BBS9: variants seen among roughly 807,000 people sequenced by gnomAD.
The protein encoded by BBS9 is Bardet-Biedl syndrome 9, also known as protein PTHB1.
A neutral mutation model predicts 117.7 loss-of-function variants in BBS9; 89 were observed. The observed-to-expected ratio is 0.76, with a 90% CI of 0.64 to 0.90. The LOEUF is 0.90. Among genes scored for constraint, BBS9 ranks in the 40% least tolerant of loss-of-function variants. The pLI, the probability that BBS9 is intolerant of heterozygous loss-of-function variation, is 0.00. For synonymous variants in BBS9, 379 were observed against 370.9 expected, an observed-to-expected ratio of 1.02 and a Z score of -0.25; for missense variants, 982 against 1,042.2, an observed-to-expected ratio of 0.94 and a Z score of 0.80.
chr7:33,340,224 A>T (rs1294084308), intron 10 of BBS9, among the ~76,000 whole-genome samples: 1 of 152,054 alleles, frequency 6.6e-6, no homozygotes, highest in Non-Finnish European at 1.5e-5. Context: ...TTGTCTAGAA[A>T]ATATTCATGT....
chr7:33,158,800 T>A (rs996654226), intron 4 of BBS9, among the ~76,000 whole-genome samples: 3 of 151,278 alleles, frequency 2.0e-5, no homozygotes, highest in African/African-American at 7.3e-5. Flanking sequence ...AAATGAAATT[T>A]AACAGAGTTT....
chr7:33,257,705 T>G (rs1007421458), intron 6 of BBS9, among the ~76,000 whole-genome samples: 2 of 152,166 alleles, frequency 1.3e-5, no homozygotes, highest in Non-Finnish European at 2.9e-5. Flanking sequence ...TTTGACAAGT[T>G]TATTATAAGG....
chr7:33,359,853 T>G (rs1301349442), intron 16 of BBS9, among the ~76,000 whole-genome samples: 2 of 152,086 alleles, frequency 1.3e-5, no homozygotes, highest in Non-Finnish European at 2.9e-5. Context: ...TAATTTTTCT[T>G]ATTACAAAAG....
At chr7:33,209,689 T>C (rs1787646104) in intron 5 of BBS9, among the ~76,000 whole-genome samples, 1 of 152,218 alleles carries the variant, frequency 6.6e-6, no homozygotes, top group African/African-American at 2.4e-5. Flanking sequence ...ATATAGTTGC[T>C]CATAGTACCT....
chr7:33,142,542 C>T (rs1326738476), intron 1 of BBS9, among the ~76,000 whole-genome samples: 2 of 152,182 alleles, frequency 1.3e-5, no homozygotes, highest in Non-Finnish European at 2.9e-5. Flanking sequence ...TGCAACCAAT[C>T]TCCAGAACTT....
At chr7:33,571,722 G>A (rs187187801) in intron 21 of BBS9, among the ~76,000 whole-genome samples, 1 of 152,090 alleles carries the variant, frequency 6.6e-6, no homozygotes, top group Admixed American at 6.5e-5. Flanking sequence ...ACTTCCATGT[G>A]CAATTAAATT....
chr7:33,541,042 TC>T (rs1236470983), intron 21 of BBS9, among the ~76,000 whole-genome samples: 1 of 152,194 alleles, frequency 6.6e-6, no homozygotes. Flanking sequence ...GGCTTCTTTT[TC>T]CCTTTTCTGT....
chr7:33,480,117 G>T (rs766263471), intron 19 of BBS9, among the ~76,000 whole-genome samples: 1 of 152,094 alleles, frequency 6.6e-6, no homozygotes, highest in Non-Finnish European at 1.5e-5. Flanking sequence ...TGCTCAGTAA[G>T]GAGGAAAGTC....
chr7:33,318,369 C>G (rs1022016127), intron 9 of BBS9, among the ~76,000 whole-genome samples: 1 of 152,076 alleles, frequency 6.6e-6, no homozygotes, highest in Non-Finnish European at 1.5e-5. Flanking sequence ...CATTTGTCCT[C>G]TTATAGCTCT....
rs1004199102 is a variant in BBS9 at position 33,424,174 on chromosome 7, A to G, written c.2115+36030A>G. ...TCTATCTTTTTGATTTCATGCTTGA[A>G]GAACAAGTGGTTCCAGCAAGGTGAT... is the stretch of plus-strand genomic sequence containing the variant. On this transcript the variant is annotated intron_variant, in intron 19 of 22. Coordinates refer to ENST00000242067, the MANE Select transcript of BBS9 (RefSeq NM_198428.3). Among the ~76,000 whole-genome samples the G allele has an allele frequency of 2.0e-5, 3 of 152,362 alleles. No individual in the cohort carries two copies. The East Asian group carries it at 5.8e-4, about 29-fold the overall frequency.
intron 5 of BBS9, among the ~76,000 whole-genome samples, chr7:33,181,064 G>A (rs1172583766): frequency 6.6e-6 from 1 of 152,206 alleles, no homozygotes; most frequent in African/African-American, 2.4e-5. Context: ...TACTACTGCT[G>A]TGCTGAGTGA....
At chr7:33,590,089 G>C (rs1353283684) in intron 21 of BBS9, among the ~76,000 whole-genome samples, 1 of 152,084 alleles carries the variant, frequency 6.6e-6, no homozygotes, top group Non-Finnish European at 1.5e-5. Flanking sequence ...GTCAAATGCT[G>C]CTCACAGATC....
At chr7:33,278,340 A>G (rs1400819876) in intron 9 of BBS9, among the ~76,000 whole-genome samples, 1 of 152,194 alleles carries the variant, frequency 6.6e-6, no homozygotes, top group Non-Finnish European at 1.5e-5. Context: ...ATGTATTCAT[A>G]GGTGCCTGAT....
intron 17 of BBS9, among the ~76,000 whole-genome samples, chr7:33,382,966 TAC>T (rs1184430160): frequency 2.6e-5 from 4 of 152,234 alleles, no homozygotes; most frequent in Admixed American, 1.3e-4. Flanking sequence ...CAGTTCTTGG[TAC>T]ACAGTTTATG....
chr7:33,276,906 C>A, intron 9 of BBS9: 1 of 175,630 alleles, frequency 5.7e-6, no homozygotes, highest in South Asian at 1.4e-4. Flanking sequence ...TGCCCTCACT[C>A]CCTCACCTCA....
intron 20 of BBS9, among the ~76,000 whole-genome samples, chr7:33,521,800 G>T (rs1304881461): frequency 6.6e-6 from 1 of 150,536 alleles, no homozygotes; most frequent in African/African-American, 2.5e-5. Context: ...CCTTGTGCAG[G>T]TTAGTTACAT....
intron 19 of BBS9, among the ~76,000 whole-genome samples, chr7:33,425,006 A>G (rs548423747): frequency 6.9e-4 from 105 of 152,312 alleles, no homozygotes; most frequent in African/African-American, 2.3e-3. Context: ...AGTATGAAAT[A>G]AAGGGGAAGT....
chr7:33,393,716 A>G (rs1827459111), intron 19 of BBS9, among the ~76,000 whole-genome samples: 1 of 152,140 alleles, frequency 6.6e-6, no homozygotes, highest in Non-Finnish European at 1.5e-5. Context: ...TTTTTGGGAC[A>G]AACATATTGG....
intron 5 of BBS9, among the ~76,000 whole-genome samples, chr7:33,256,126 G>T: frequency 6.6e-6 from 1 of 152,100 alleles, no homozygotes; most frequent in South Asian, 2.1e-4. Flanking sequence ...GCACTCCAGC[G>T]TGGCAACAGA....
Sources: allele counts gnomAD v4.1 joint callset (sites outside exome capture counted in the v4.1 genomes callset), GRCh38; gene constraint gnomAD v4.1.1; transcripts MANE v1.5; gene names NCBI Gene and HGNC (gene_info 2026-07-23, HGNC 2026-07-21).